OSBPL3: variants seen among roughly 807,000 people sequenced by gnomAD.
The protein encoded by OSBPL3 is oxysterol binding protein like 3.
OSBPL3 carries 65 observed loss-of-function variants against 120.1 expected under a neutral mutation model. That is an observed-to-expected ratio of 0.54 (90% CI 0.44 to 0.67). The LOEUF (loss-of-function observed/expected upper bound fraction) is 0.67, where lower values mean the gene tolerates loss of function less well. Ranked by LOEUF, OSBPL3 falls within the 30% of genes least tolerant of loss-of-function variation. The pLI is 0.00. For missense variants in OSBPL3, 1,004 were observed against 1,082.1 expected (o/e 0.93, Z 1.01); for synonymous variants, 416 against 402.6 (o/e 1.03, Z -0.40).
At chr7:24,970,673 G>A (rs1490673658) in intron 1 of OSBPL3, among the ~76,000 whole-genome samples, 1 of 152,182 alleles carries the variant, frequency 6.6e-6, no homozygotes, top group Non-Finnish European at 1.5e-5. Flanking sequence ...GGTCGGGGCT[G>A]TGGCTAATTA....
Position 24,824,393 on chromosome 7 carries a change from G to A in OSBPL3, c.1885-4155C>T, listed in dbSNP as rs1584256721. Among the ~76,000 whole-genome samples, 1 of 152,262 alleles carries A rather than the reference G, an allele frequency of 6.6e-6. No individual in the cohort carries two copies. Among genetic ancestry groups the A allele is most frequent in the East Asian group, 1.9e-4 (1 of 5,190 alleles). On this transcript the variant is annotated intron_variant, in intron 16 of 22. Coordinates refer to ENST00000313367, the MANE Select transcript of OSBPL3 (RefSeq NM_015550.4). This position sits in a 1 kb window ranked among gnomAD's most constrained non-coding sequence, Gnocchi z 4.9. ...AAAAGGAGGTATTTTCAGTATTTTT[G>A]TACTTTGTAAGTTTTTATTTTTCAG... is the stretch of plus-strand genomic sequence containing the variant.
In OSBPL3 at chr7:24,867,701, A is replaced by T. The variant is rs2128272130; in HGVS notation, c.382-1464T>A. 6.6e-6 allele frequency among the ~76,000 whole-genome samples: 1 copy of T among 152,246 alleles called. No individual in the cohort carries two copies. Among genetic ancestry groups the T allele is most frequent in the Non-Finnish European group, 1.5e-5 (1 of 68,014 alleles). ...AACCTCTTTCTTTTGTAAATTGCCC[A>T]GTCTCGGGTATGTCTTTATCAGCAG... On this transcript the variant is annotated intron_variant, in intron 5 of 22. Transcript: ENST00000313367. This position sits in a 1 kb window ranked among gnomAD's most constrained non-coding sequence, Gnocchi z 4.5.
rs1192141127 is a variant in OSBPL3, at chr7:24,938,260, AC to A, written c.-150+41625del. ...CCAGAGAGCTGTCTTGCCTTCCACC[AC>A]GTGAGGACACAAAGAAGGCATCATC... On this transcript the variant is annotated intron_variant, in intron 1 of 22. Coordinates refer to ENST00000313367, the MANE Select transcript of OSBPL3 (RefSeq NM_015550.4). This position sits in a 1 kb window ranked among gnomAD's most constrained non-coding sequence, Gnocchi z 5.8. Among the ~76,000 whole-genome samples the A allele has an allele frequency of 6.6e-6, 1 of 152,180 alleles. No individual in the cohort carries two copies. Among genetic ancestry groups the A allele is most frequent in the Non-Finnish European group, 1.5e-5 (1 of 68,026 alleles).
rs1796812836 is a variant in OSBPL3, at chr7:24,834,832, A to G, written c.1496-96T>C. The G allele has an allele frequency of 7.1e-6, 8 of 1,129,898 alleles. No homozygotes were observed. Among genetic ancestry groups the G allele is most frequent in the Non-Finnish European group, 9.8e-6 (8 of 817,826 alleles). 70.0% of individuals were successfully genotyped at this position (1,129,898 alleles called of 1,614,324 possible). A position where few individuals can be genotyped will look rare whatever the true frequency, so the allele number is the denominator to read the frequency against. On this transcript the variant is annotated intron_variant, in intron 14 of 22. Transcript: ENST00000313367. The surrounding 1 kb of genome is among the most constrained non-coding windows in gnomAD (Gnocchi z 5.2). ...TAAAACCTTACGTAGCAAGTAGTCA[A>G]TGTTACTATTAAACTCAGTTGTTCA...
rs67222925 is a variant in OSBPL3 at position 24,904,918 on chromosome 7, GGTGTGTGTGTGT to G, written c.-149-12309_-149-12298del. Among the ~76,000 whole-genome samples, 379 of 132,946 alleles carry G rather than the reference GGTGTGTGTGTGT, an allele frequency of 2.9e-3. 2 individuals are homozygous for G. Among genetic ancestry groups the G allele is most frequent in the African/African-American group, 9.4e-3 (330 of 35,098 alleles). 87.2% of individuals were successfully genotyped at this position (132,946 alleles called of 152,430 possible). On this transcript the variant is annotated intron_variant, in intron 1 of 22. Coordinates refer to ENST00000313367, the MANE Select transcript of OSBPL3 (RefSeq NM_015550.4). ...TGAAGTGTTCTGATCATAATATACAGGTGTGTGTGTGTGTGTGTGTGTGTGTGTGTGTGTGTG... is the reference window on the plus strand; with the variant it reads ...TGAAGTGTTCTGATCATAATATACAGGTGTGTGTGTGTGTGTGTGTGTGTG...
rs1021408311 is a variant in OSBPL3 at position 24,959,353 on chromosome 7, A to C, written c.-150+20533T>G. ...ATGTTTATCAATAGTAGAATGGATA[A>C]ATAAATTTTGGCATATTAACACAAT... On this transcript the variant is annotated intron_variant, in intron 1 of 22. Transcript: ENST00000313367. The surrounding 1 kb of genome is among the most constrained non-coding windows in gnomAD (Gnocchi z 4.3). Among the ~76,000 whole-genome samples the C allele has an allele frequency of 9.2e-5, 14 of 152,194 alleles. No homozygotes were observed. Among genetic ancestry groups the C allele is most frequent in the Admixed American group, 2.6e-4 (4 of 15,282 alleles).
At chr7:24,907,269 T>A (rs1808081054) in intron 1 of OSBPL3, among the ~76,000 whole-genome samples, 1 of 152,202 alleles carries the variant, frequency 6.6e-6, no homozygotes, top group Non-Finnish European at 1.5e-5. Context: ...AAATTCCCAA[T>A]GCCTACAAGC....
intron 1 of OSBPL3, among the ~76,000 whole-genome samples, chr7:24,897,282 C>G (rs905409892): frequency 6.6e-6 from 1 of 151,834 alleles, no homozygotes; most frequent in African/African-American, 2.4e-5. Flanking sequence ...AGAAGCTCTA[C>G]CCCTCCTTCA....
intron 12 of OSBPL3, among the ~76,000 whole-genome samples, chr7:24,848,408 A>C (rs1798701650): frequency 6.6e-6 from 1 of 152,224 alleles, no homozygotes; most frequent in Non-Finnish European, 1.5e-5. Flanking sequence ...AACAGTTTTT[A>C]CTTTCATTAC....
chr7:24,857,993 C>T (rs1239343383), intron 10 of OSBPL3, among the ~76,000 whole-genome samples: 1 of 152,110 alleles, frequency 6.6e-6, no homozygotes, highest in Non-Finnish European at 1.5e-5. Context: ...ATATATGCAA[C>T]AAAAATTACT....
chr7:24,949,002 T>C (rs558382104), intron 1 of OSBPL3, among the ~76,000 whole-genome samples: 29 of 152,362 alleles, frequency 1.9e-4, no homozygotes, highest in Non-Finnish European at 4.3e-4. Flanking sequence ...ATGATGTCTC[T>C]AGACTTCTAC....
chr7:24,819,115 T>G lies in OSBPL3; in HGVS notation c.1948+1060A>C, dbSNP rs1210235822. Among the ~76,000 whole-genome samples, 1 of 151,920 alleles carries G rather than the reference T, an allele frequency of 6.6e-6. No homozygotes were observed. The highest frequency in any genetic ancestry group is 1.5e-5 in the Non-Finnish European group (1 of 67,968). On this transcript the variant is annotated intron_variant, in intron 17 of 22. Coordinates refer to ENST00000313367, the MANE Select transcript of OSBPL3 (RefSeq NM_015550.4). This position sits in a 1 kb window ranked among gnomAD's most constrained non-coding sequence, Gnocchi z 4.1. ...TAAAAATACAAAAATTAGCTGGGCA[T>G]AGTGGCGCATGCCTGTAGTCCCAGC...
chr7:24,886,171 T>C (rs1322690699), intron 2 of OSBPL3, among the ~76,000 whole-genome samples: 3 of 152,240 alleles, frequency 2.0e-5, no homozygotes, highest in African/African-American at 4.8e-5. Context: ...TCTTATTTAC[T>C]GTTTCATTTA....
At chr7:24,911,216 GA>G (rs2128418077) in intron 1 of OSBPL3, among the ~76,000 whole-genome samples, 1 of 152,336 alleles carries the variant, frequency 6.6e-6, no homozygotes, top group South Asian at 2.1e-4. Context: ...TAAAGGGTAA[GA>G]AAAGATAGCA....
chr7:24,824,210 C>G lies in OSBPL3; in HGVS notation c.1885-3972G>C, dbSNP rs1442372528. Among the ~76,000 whole-genome samples, 1 of 152,154 alleles carries G rather than the reference C, an allele frequency of 6.6e-6. No homozygotes were observed. The highest frequency in any genetic ancestry group is 1.5e-5 in the Non-Finnish European group (1 of 68,024). On this transcript the variant is annotated intron_variant, in intron 16 of 22. Transcript: ENST00000313367. This position sits in a 1 kb window ranked among gnomAD's most constrained non-coding sequence, Gnocchi z 4.9. The stretch of plus-strand genomic sequence containing the variant: ...TATGGTAACACATGTATCTATCTTT[C>G]TTTCTACAAGCCCCAATACAGTTCC...
Position 24,830,669 on chromosome 7 carries a change from T to G in OSBPL3, c.1884+99A>C, listed in dbSNP as rs918301050. On this transcript the variant is annotated intron_variant, in intron 16 of 22. Transcript: ENST00000313367. The surrounding 1 kb of genome is among the most constrained non-coding windows in gnomAD (Gnocchi z 4.4). The stretch of plus-strand genomic sequence containing the variant: ...AAGCACTGTAATTATCTCGGCTGCT[T>G]TGAAGCCAGTGAAAGGTGGAAGATA... The G allele has an allele frequency of 8.6e-5, 102 of 1,184,392 alleles. No individual in the cohort carries two copies. In the African/African-American group the frequency reaches 1.5e-3, roughly 17 times the overall value. The allele number at this position is 1,184,392 out of a possible 1,614,324, so 73.4% of individuals were successfully genotyped here.
intron 1 of OSBPL3, among the ~76,000 whole-genome samples, chr7:24,910,259 G>A (rs1435534818): frequency 1.3e-5 from 2 of 152,016 alleles, no homozygotes; most frequent in African/African-American, 2.4e-5. Flanking sequence ...TATCACCCAC[G>A]TGGTCCCAAG....
intron 2 of OSBPL3, among the ~76,000 whole-genome samples, chr7:24,882,028 A>C (rs1562877697): frequency 6.6e-6 from 1 of 152,192 alleles, no homozygotes. Flanking sequence ...CAAATCCTTA[A>C]ATTAATTACA....
chr7:24,965,760 A>T lies in OSBPL3; in HGVS notation c.-150+14126T>A, dbSNP rs1350980351. 1.3e-5 allele frequency among the ~76,000 whole-genome samples: 2 copies of T among 152,322 alleles called. No individual in the cohort carries two copies. The highest frequency in any genetic ancestry group is 2.9e-5 in the Non-Finnish European group (2 of 68,036). Reference sequence around the variant, plus strand: ...GAGACTGAGTCTCAGTATTCTAACCAGGCTGGTTTTGAACTCCTAACCTCA... The same window carrying T: ...GAGACTGAGTCTCAGTATTCTAACCTGGCTGGTTTTGAACTCCTAACCTCA... On this transcript the variant is annotated intron_variant, in intron 1 of 22. Transcript: ENST00000313367. The surrounding 1 kb of genome is among the most constrained non-coding windows in gnomAD (Gnocchi z 4.3).
Sources: allele counts gnomAD v4.1 joint callset (sites outside exome capture counted in the v4.1 genomes callset), GRCh38; gene constraint gnomAD v4.1.1; non-coding constraint Gnocchi (gnomAD v3.1); transcripts MANE v1.5; gene names NCBI Gene and HGNC (gene_info 2026-07-23, HGNC 2026-07-21).